ST8SIA2: variants seen among roughly 807,000 people sequenced by gnomAD.
ST8SIA2 encodes ST8 alpha-N-acetyl-neuraminide alpha-2,8-sialyltransferase 2, also known as alpha-2,8-sialyltransferase 8B.
ST8SIA2 carries 22 observed loss-of-function variants against 37.6 expected under a neutral mutation model. The ratio of observed to expected loss-of-function variants is 0.58; its 90% CI spans 0.42 to 0.83. ST8SIA2 has a LOEUF of 0.83. ST8SIA2 is among the 40% of genes least tolerant of loss of function. The pLI, the probability that ST8SIA2 is intolerant of heterozygous loss-of-function variation, is 0.00. For synonymous variants in ST8SIA2, 205 were observed against 201.2 expected, an observed-to-expected ratio of 1.02 and a Z score of -0.16; for missense variants, 382 against 484.7, an observed-to-expected ratio of 0.79 and a Z score of 1.99.
chr15:92,418,895 A>G (rs767062957), intron 1 of ST8SIA2, among the ~76,000 whole-genome samples: 9 of 152,266 alleles, frequency 5.9e-5, no homozygotes, highest in Middle Eastern at 3.4e-3. Flanking sequence ...ATGACGTAAA[A>G]TAAAGGATTT....
intron 1 of ST8SIA2, among the ~76,000 whole-genome samples, chr15:92,414,865 G>A (rs3825986): frequency 0.52 from 79,317 of 152,116 alleles, 20,966 homozygotes; most frequent in East Asian, 0.7. Flanking sequence ...CATGCCCTAA[G>A]TCAACATGGC....
chr15:92,448,457 G>A (rs1567222493), intron 5 of ST8SIA2, among the ~76,000 whole-genome samples: 1 of 152,222 alleles, frequency 6.6e-6, no homozygotes, highest in South Asian at 2.1e-4. Context: ...AAAAGACCAA[G>A]GGATTGTAGA....
intron 3 of ST8SIA2, among the ~76,000 whole-genome samples, chr15:92,435,439 G>C (rs1458721740): frequency 6.6e-6 from 1 of 151,508 alleles, no homozygotes; most frequent in African/African-American, 2.4e-5. Context: ...GCAAGGAATA[G>C]GGGGGTAAGG....
At chr15:92,437,065 G>T (rs1454263768) in intron 3 of ST8SIA2, among the ~76,000 whole-genome samples, 2 of 152,172 alleles carry the variant, frequency 1.3e-5, no homozygotes, top group Non-Finnish European at 2.9e-5. Flanking sequence ...AGGCTTTCAG[G>T]CCTCAGTGTT....
At chr15:92,402,849 C>CAGAGAG (rs58104024) in intron 1 of ST8SIA2, among the ~76,000 whole-genome samples, 3 of 149,522 alleles carry the variant, frequency 2.0e-5, no homozygotes, top group Non-Finnish European at 3.0e-5. Flanking sequence ...ATCTCATTAC[C>CAGAGAG]AGAGAGAGAG....
At chr15:92,448,252 G>C (rs2049856347) in intron 5 of ST8SIA2, among the ~76,000 whole-genome samples, 1 of 152,200 alleles carries the variant, frequency 6.6e-6, no homozygotes, top group East Asian at 1.9e-4. Flanking sequence ...GGAAAAGGAG[G>C]CTTGGAATGG....
In ST8SIA2 at chr15:92,464,190, C is replaced by T. The variant is rs763635032; in HGVS notation, c.933C>T (p.Tyr311=). Residue 311 remains tyrosine, a synonymous_variant, in exon 6 of 6, where the codon TAC becomes TAT. Transcript: ENST00000268164. ...TLATRFCKQI[Y]LYGFWPFPLD... ...CCACACGTTTCTGCAAACAAATCTA[C>T]CTCTACGGCTTCTGGCCCTTTCCGC... 8.1e-6 allele frequency: 13 copies of T among 1,598,838 alleles called. No homozygotes were observed. Among genetic ancestry groups the T allele is most frequent in the South Asian group, 1.1e-5 (1 of 90,716 alleles).
rs1201567119 is a variant in ST8SIA2 at position 92,403,714 on chromosome 15, G to A, written c.98+9552G>A. On this transcript the variant is annotated intron_variant, in intron 1 of 5. Coordinates refer to ENST00000268164, the MANE Select transcript of ST8SIA2 (RefSeq NM_006011.4). The stretch of plus-strand genomic sequence containing the variant: ...GAAAGTGAATTAGTAAATTGATAGG[G>A]CAGGTGACTTTAGTTTGCTATTTTC... 2.0e-5 allele frequency among the ~76,000 whole-genome samples: 3 copies of A among 152,286 alleles called. No homozygotes were observed. The East Asian group carries it at 5.8e-4, about 29-fold the overall frequency.
intron 1 of ST8SIA2, among the ~76,000 whole-genome samples, chr15:92,397,470 A>G (rs1167000946): frequency 6.6e-6 from 1 of 152,198 alleles, no homozygotes. Context: ...GCTGACTAAG[A>G]AAACAAAATG....
chr15:92,467,557 G>C lies in ST8SIA2; in HGVS notation c.*3172G>C, dbSNP rs1325061179. 6.6e-6 allele frequency: 1 copy of C among 152,576 alleles called. No individual in the cohort carries two copies. Among genetic ancestry groups the C allele is most frequent in the Non-Finnish European group, 1.5e-5 (1 of 68,134 alleles). 9.5% of individuals were successfully genotyped at this position (152,576 alleles called of 1,614,324 possible). On this transcript the variant is annotated 3_prime_UTR_variant, in exon 6 of 6. Coordinates refer to ENST00000268164, the MANE Select transcript of ST8SIA2 (RefSeq NM_006011.4). ...TCGGCACCCAGAATGCCACATTCTT[G>C]TGTTTTTTTCCTCCTTCTTTCCCAA...
At chr15:92,416,404 G>A (rs541844041) in intron 1 of ST8SIA2, among the ~76,000 whole-genome samples, 32 of 152,206 alleles carry the variant, frequency 2.1e-4, no homozygotes, top group African/African-American at 7.5e-4. Flanking sequence ...GGAGCCGGGA[G>A]TGAGGTGTCC....
intron 1 of ST8SIA2, among the ~76,000 whole-genome samples, chr15:92,415,111 A>G (rs928081722): frequency 3.3e-5 from 5 of 151,930 alleles, no homozygotes; most frequent in East Asian, 3.9e-4. Flanking sequence ...TCCTCTTCCT[A>G]TTCTATCTGT....
chr15:92,410,517 T>C (rs1596231721), intron 1 of ST8SIA2, among the ~76,000 whole-genome samples: 1 of 152,202 alleles, frequency 6.6e-6, no homozygotes, highest in East Asian at 1.9e-4. Flanking sequence ...GCAGGATTGG[T>C]GTTCCCGTCA....
chr15:92,414,768 G>C (rs904016236), intron 1 of ST8SIA2, among the ~76,000 whole-genome samples: 2 of 152,142 alleles, frequency 1.3e-5, no homozygotes, highest in Non-Finnish European at 2.9e-5. Flanking sequence ...TCACATCCCT[G>C]GGGCCACCAT....
chr15:92,461,495 C>T (rs1258418333), intron 5 of ST8SIA2, among the ~76,000 whole-genome samples: 2 of 152,234 alleles, frequency 1.3e-5, no homozygotes, highest in African/African-American at 2.4e-5. Context: ...CAGGCATGGA[C>T]ACTGCAGCCC....
intron 2 of ST8SIA2, 148 bp downstream of exon 2, chr15:92,430,259 G>A (rs569684254): frequency 1.9e-5 from 16 of 822,920 alleles, no homozygotes; most frequent in South Asian, 3.0e-5. Flanking sequence ...ATCACTTTTG[G>A]GGGGAGCTGT....
intron 5 of ST8SIA2, among the ~76,000 whole-genome samples, chr15:92,459,988 A>C (rs1687493161): frequency 6.6e-6 from 1 of 152,208 alleles, no homozygotes; most frequent in African/African-American, 2.4e-5. Flanking sequence ...ACCCGTCACG[A>C]TGCCCCAGTC....
chr15:92,454,840 C>T (rs1158597274), intron 5 of ST8SIA2, among the ~76,000 whole-genome samples: 2 of 152,078 alleles, frequency 1.3e-5, no homozygotes, highest in African/African-American at 2.4e-5. Flanking sequence ...TGAGTATGGC[C>T]TCAGGCAGCT....
chr15:92,446,693 A>G (rs1041681296), intron 5 of ST8SIA2, among the ~76,000 whole-genome samples: 2 of 152,246 alleles, frequency 1.3e-5, no homozygotes, highest in South Asian at 2.1e-4. Context: ...TGGTGCTATC[A>G]GGAAACTCTT....
Sources: gnomAD v4.1 joint callset for allele counts (sites outside exome capture counted in the v4.1 genomes callset) on GRCh38, gnomAD v4.1.1 for gene constraint, MANE v1.5 for transcripts, NCBI Gene and HGNC (gene_info 2026-07-23, HGNC 2026-07-21) for gene names.